The following HSPA8 variants were observed in gnomAD, a reference collection of about 807,000 sequenced individuals.
The protein encoded by HSPA8 is heat shock cognate 71 kDa protein.
In HSPA8, 2 loss-of-function variants were observed where a neutral mutation model predicts 52.8. The observed-to-expected ratio is 0.04, with a 90% CI of 0.02 to 0.12. HSPA8 has a LOEUF of 0.12. Among genes scored for constraint, HSPA8 ranks in the 10% least tolerant of loss-of-function variants. The pLI, the probability that HSPA8 is intolerant of heterozygous loss-of-function variation, is 1.00. For missense variants in HSPA8, 349 were observed against 800.5 expected (o/e 0.44, Z 6.81); for synonymous variants, 436 against 274.0 (o/e 1.59, Z -5.84).
intron 1 of HSPA8, chr11:123,061,721 G>A (rs373061791): frequency 4.0e-6 from 1 of 251,278 alleles, no homozygotes; most frequent in South Asian, 4.4e-5. Flanking sequence ...AACCACGGTG[G>A]GACTGGACTA....
intron 1 of HSPA8, chr11:123,061,591 G>C (rs1055357191): frequency 7.7e-6 from 4 of 517,080 alleles, no homozygotes; most frequent in East Asian, 7.0e-5. Flanking sequence ...GTCTTACCCC[G>C]AACTGAGCAC....
Position 123,059,932 on chromosome 11 carries a change from A to C in HSPA8, c.661T>G (p.Ser221Ala), listed in dbSNP as rs1865441649. The change falls in exon 5 of 9, where the codon TCT becomes GCT. Residue 221 changes from serine to alanine, a missense_variant. Ser to Ala is a moderately conservative substitution (Grantham distance 99). Coordinates refer to ENST00000534624, the MANE Select transcript of HSPA8 (RefSeq NM_006597.6). Reference sequence around the variant, plus strand: ...CCCAAGTGGGTGTCTCCAGCTGTAGACTTGACCTCAAAGATTCCATCCTCA... The same window carrying C: ...CCCAAGTGGGTGTCTCCAGCTGTAGCCTTGACCTCAAAGATTCCATCCTCA... ...TIEDGIFEVK[S>A]TAGDTHLGGE... 6.2e-7 allele frequency: 1 copy of C among 1,613,994 alleles called. No individual in the cohort carries two copies. The highest frequency in any genetic ancestry group is 8.5e-7 in the Non-Finnish European group (1 of 1,180,020).
intron 3 of HSPA8, 80 bp downstream of exon 3, chr11:123,060,513 C>CACCAGGT (rs1555074824): frequency 8.9e-7 from 1 of 1,127,752 alleles, no homozygotes; most frequent in Non-Finnish European, 1.3e-6. Context: ...TCCCCTCCCT[C>CACCAGGT]GCCAGGTGCC....
intron 1 of HSPA8, chr11:123,061,717 G>A (rs1046639019): frequency 1.5e-5 from 4 of 264,158 alleles, no homozygotes; most frequent in South Asian, 4.0e-5. Flanking sequence ...GAAGAACCAC[G>A]GTGGGACTGG....
Position 123,059,453 on chromosome 11 carries a change from A to G in HSPA8, c.1120+20T>C. On this transcript the variant is annotated intron_variant, in intron 5 of 8. Coordinates refer to ENST00000534624, the MANE Select transcript of HSPA8 (RefSeq NM_006597.6). ...CTTGGGCCTGCCTGCCTTTAGGGTTAATTGAGATACCATTGTTACCTGCAC... is the reference window on the plus strand; with the variant it reads ...CTTGGGCCTGCCTGCCTTTAGGGTTGATTGAGATACCATTGTTACCTGCAC... 6.3e-7 allele frequency: 1 copy of G among 1,591,360 alleles called. No individual in the cohort carries two copies. The highest frequency in any genetic ancestry group is 2.2e-5 in the East Asian group (1 of 44,786).
chr11:123,058,006 T>C (rs1865359354), intron 8 of HSPA8, 87 bp from the exon 9 acceptor site: 1 of 1,096,148 alleles, frequency 9.1e-7, no homozygotes, highest in Non-Finnish European at 1.3e-6. Context: ...ACTAAAAGTC[T>C]GGCGCAAACT....
chr11:123,061,697 G>A, intron 1 of HSPA8: 2 of 293,694 alleles, frequency 6.8e-6, no homozygotes, highest in Non-Finnish European at 1.3e-5. Flanking sequence ...AGCACGCCAA[G>A]AACAGCTCTG....
intron 3 of HSPA8, 127 bp downstream of exon 3, chr11:123,060,466 G>A (rs117269401): frequency 0.022 from 19,990 of 910,110 alleles, 308 homozygotes; most frequent in Non-Finnish European, 0.028. Flanking sequence ...GGCACTGTTG[G>A]GCACGTGGTC....
rs4802 is a variant in HSPA8 at position 123,057,914 on chromosome 11, A to C, written c.1761T>G (p.Ala587=). 7 of 1,605,112 alleles carry C rather than the reference A, an allele frequency of 4.4e-6. No homozygotes were observed. The highest frequency in any genetic ancestry group is 2.2e-5 in the East Asian group (1 of 44,742). Residue 587 remains alanine (A), a synonymous_variant, in exon 9 of 9, where the codon GCT becomes GCG. Transcript: ENST00000534624. ...GTTGATGTTCAAATTCTTCCTTCTC[A>C]GCAGTCTGAGGAAGAGAAAAAGGAA... is the stretch of plus-strand genomic sequence containing the variant. The part of the protein sequence containing the change: ...IINWLDKNQT[A]EKEEFEHQQK...
At chr11:123,061,518 C>G (rs1434761180) in intron 1 of HSPA8, 189 bp from the exon 2 acceptor site, 10 of 604,802 alleles carry the variant, frequency 1.7e-5, no homozygotes, top group Admixed American at 1.4e-4. Context: ...CCAACCGCAG[C>G]AGAGCACGCC....
In HSPA8 at chr11:123,059,960, A is replaced by G. The variant is rs756568266; in HGVS notation, c.633T>C (p.Thr211=). The change falls in exon 5 of 9, where the codon ACT becomes ACC. Residue 211 remains threonine (T), a synonymous_variant. Transcript: ENST00000534624. ...GGGTFDVSIL[T]IEDGIFEVKS... The stretch of plus-strand genomic sequence containing the variant: ...TGACCTCAAAGATTCCATCCTCAAT[A>G]GTGAGGATTGACACATCAAAAGTGC... 7.4e-6 allele frequency: 12 copies of G among 1,614,128 alleles called. No homozygotes were observed. Among genetic ancestry groups the G allele is most frequent in the Non-Finnish European group, 1.0e-5 (12 of 1,180,022 alleles).
intron 2 of HSPA8, 99 bp from the exon 3 acceptor site, chr11:123,060,897 T>C: frequency 1.0e-5 from 11 of 1,089,106 alleles, no homozygotes; most frequent in Non-Finnish European, 1.5e-5. Flanking sequence ...CATAGGTAGG[T>C]GAATTCAACT....
At position 123,058,466 on chromosome 11, in the gene HSPA8, T is replaced by C. The variant is rs1865383940; in HGVS notation, c.1541A>G (p.Asp514Gly). Reference protein sequence around the residue: ...TNDKGRLSKEDIERMVQEAEK... With the variant: ...TNDKGRLSKEGIERMVQEAEK... The stretch of plus-strand genomic sequence containing the variant: ...AGCTTCCTGGACCATACGTTCAATG[T>C]CTTCCTTGCTCAAACGGCCTAGGAA... Residue 514 changes from aspartate (D) to glycine (G), a missense_variant, in exon 8 of 9, where the codon GAC (aspartate) becomes GGC (glycine). By Grantham distance (94) the Asp-to-Gly change is moderately conservative. Coordinates refer to ENST00000534624, the MANE Select transcript of HSPA8 (RefSeq NM_006597.6). 6.2e-7 allele frequency: 1 copy of C among 1,613,912 alleles called. No individual in the cohort carries two copies. The highest frequency in any genetic ancestry group is 2.2e-5 in the East Asian group (1 of 44,898).
intron 2 of HSPA8, 109 bp from the exon 3 acceptor site, chr11:123,060,907 T>C (rs1865478137): frequency 9.6e-7 from 1 of 1,041,208 alleles, no homozygotes; most frequent in Admixed American, 2.1e-5. Context: ...TGAATTCAAC[T>C]ACCATATAGG....
chr11:123,061,566 G>A (rs1447010916), intron 1 of HSPA8: 11 of 556,616 alleles, frequency 2.0e-5, no homozygotes, highest in South Asian at 1.8e-4. Flanking sequence ...GGCGTGGGGC[G>A]TTGCTCAACA....
chr11:123,058,849 A>T lies in HSPA8; in HGVS notation c.1324-19T>A, dbSNP rs1283181441. The T allele has an allele frequency of 3.1e-6, 5 of 1,606,424 alleles. No individual in the cohort carries two copies. The highest frequency in any genetic ancestry group is 4.3e-6 in the Non-Finnish European group (5 of 1,173,136). On this transcript the variant is annotated intron_variant, in intron 6 of 8. Coordinates refer to ENST00000534624, the MANE Select transcript of HSPA8 (RefSeq NM_006597.6). ...CATAAACCTTGGTAGGAAATAAAAC[A>T]AATTACTACAATGGACTCCAGGTCT...
In HSPA8 at chr11:123,060,096, G is replaced by T; in HGVS notation, c.564+20C>A. The T allele has an allele frequency of 6.2e-7, 1 of 1,613,972 alleles. No individual in the cohort carries two copies. Among genetic ancestry groups the T allele is most frequent in the South Asian group, 1.1e-5 (1 of 91,072 alleles). ...ATTAATCTTAAAATAATCCGAACTT[G>T]CATCACAAATGGTACATACCTTTTT... On this transcript the variant is annotated intron_variant, in intron 4 of 8. Transcript: ENST00000534624.
rs769957268 is a variant in HSPA8, at chr11:123,059,045, G to A, written c.1323+14C>T. 2.2e-5 allele frequency: 36 copies of A among 1,606,198 alleles called. No homozygotes were observed. In the Admixed American group the frequency reaches 3.5e-4, roughly 16 times the overall value. Reference sequence around the variant, plus strand: ...GTTATCAGTAAGCCAAACAAGAGAAGTACAGAAACATACCTGAATAAGCAC... The same window carrying A: ...GTTATCAGTAAGCCAAACAAGAGAAATACAGAAACATACCTGAATAAGCAC... On this transcript the variant is annotated intron_variant, in intron 6 of 8. Coordinates refer to ENST00000534624, the MANE Select transcript of HSPA8 (RefSeq NM_006597.6).
chr11:123,061,015 A>C (rs1361080622), intron 2 of HSPA8, 105 bp downstream of exon 2: 1 of 1,018,048 alleles, frequency 9.8e-7, no homozygotes, highest in Non-Finnish European at 1.5e-6. Context: ...CAAGTCTCTC[A>C]GCTCAGTTTT....
Sources: allele counts gnomAD v4.1 joint callset, GRCh38; gene constraint gnomAD v4.1.1; transcripts MANE v1.5; gene names NCBI Gene and HGNC (gene_info 2026-07-23, HGNC 2026-07-21).